Variants in PCBD2 observed in about 807,000 individuals in gnomAD.
PCBD2 encodes pterin-4 alpha-carbinolamine dehydratase 2.
Under a neutral mutation model 16.4 loss-of-function variants are expected in PCBD2, and 12 were observed. The ratio of observed to expected loss-of-function variants is 0.73; its 90% CI spans 0.47 to 1.19. PCBD2 has a LOEUF of 1.19. Ranked by LOEUF, PCBD2 falls within the 50% of genes most tolerant of loss-of-function variation. The pLI is 0.00. For synonymous variants in PCBD2, 58 were observed against 61.8 expected, an observed-to-expected ratio of 0.94 and a Z score of 0.29; for missense variants, 138 against 156.8, an observed-to-expected ratio of 0.88 and a Z score of 0.64.
Position 134,923,463 on chromosome 5 carries a change from T to C in PCBD2, c.216+12997T>C, listed in dbSNP as rs537984821. The C allele has an allele frequency of 1.2e-5, 3 of 245,616 alleles. No homozygotes were observed. The East Asian group carries it at 2.4e-4, about 20-fold the overall frequency. 15.2% of individuals were successfully genotyped at this position (245,616 alleles called of 1,614,324 possible). On this transcript the variant is annotated intron_variant, in intron 2 of 3. Transcript: ENST00000254908. ...TCCTGTTTCGTGTAGGAATAGAAGG[T>C]GGAGCGCTGCTAGGGCTGTGATAAT...
intron 1 of PCBD2, 131 bp downstream of exon 1, chr5:134,905,354 G>A: frequency 1.3e-6 from 1 of 784,048 alleles, no homozygotes; most frequent in Non-Finnish European, 1.7e-6. Context: ...CTCGGGCGTC[G>A]GGTCACCGCG....
chr5:134,957,628 A>G (rs1751428983), intron 2 of PCBD2, among the ~76,000 whole-genome samples: 1 of 151,962 alleles, frequency 6.6e-6, no homozygotes, highest in African/African-American at 2.4e-5. Flanking sequence ...ACAGTGATCT[A>G]TGATTGTGCC....
rs201710068 is a variant in PCBD2, at chr5:134,953,481, AT to A, written c.217-5555del. Among the ~76,000 whole-genome samples, 554 of 151,832 alleles carry A rather than the reference AT, an allele frequency of 3.6e-3. 8 individuals are homozygous for A. In the East Asian group the frequency reaches 0.037, roughly 10 times the overall value. On this transcript the variant is annotated intron_variant, in intron 2 of 3. Coordinates refer to ENST00000254908, the MANE Select transcript of PCBD2 (RefSeq NM_032151.5). The stretch of plus-strand genomic sequence containing the variant: ...GATCCTATAAAATTATATACCTATA[AT>A]TTTACATAGAAAATATAGTCTTCTA...
chr5:134,911,883 T>C (rs2149530241), intron 2 of PCBD2, among the ~76,000 whole-genome samples: 1 of 152,362 alleles, frequency 6.6e-6, no homozygotes, highest in Non-Finnish European at 1.5e-5. Context: ...GGAATCCCAT[T>C]GGTACAGTAA....
intron 2 of PCBD2, among the ~76,000 whole-genome samples, chr5:134,942,048 G>A (rs372624747): frequency 4.7e-5 from 7 of 148,290 alleles, no homozygotes; most frequent in South Asian, 2.1e-4. Context: ...GGAGAATGGC[G>A]TGAACCCGGG....
At chr5:134,931,677 G>A (rs1221474218) in intron 2 of PCBD2, among the ~76,000 whole-genome samples, 2 of 152,202 alleles carry the variant, frequency 1.3e-5, no homozygotes, top group African/African-American at 4.8e-5. Context: ...CTTAACACAA[G>A]TCTGTATTTT....
At chr5:134,924,042 G>A (rs1049716800) in intron 2 of PCBD2, 75 of 396,004 alleles carry the variant, frequency 1.9e-4, no homozygotes, top group Middle Eastern at 6.4e-4. Context: ...TTTGCGTATT[G>A]GGGTCATTAG....
At chr5:134,913,628 T>A (rs1245794115) in intron 2 of PCBD2, among the ~76,000 whole-genome samples, 2 of 152,082 alleles carry the variant, frequency 1.3e-5, no homozygotes, top group Non-Finnish European at 2.9e-5. Flanking sequence ...GTGGCTGTGT[T>A]CTAAAAAATC....
chr5:134,935,287 C>G (rs991244006), intron 2 of PCBD2, among the ~76,000 whole-genome samples: 9 of 152,228 alleles, frequency 5.9e-5, no homozygotes, highest in Non-Finnish European at 1.3e-4. Context: ...GACTGCGCCA[C>G]TGCATCTGCC....
At chr5:134,949,057 TTG>T (rs1751330969) in intron 2 of PCBD2, among the ~76,000 whole-genome samples, 2 of 151,430 alleles carry the variant, frequency 1.3e-5, no homozygotes, top group Admixed American at 1.3e-4. Context: ...TTGGTGGGAG[TTG>T]TGTCTGCCCC....
chr5:134,940,452 C>G (rs1187420173), intron 2 of PCBD2, among the ~76,000 whole-genome samples: 3 of 151,710 alleles, frequency 2.0e-5, no homozygotes, highest in African/African-American at 7.3e-5. Flanking sequence ...TTTAATAACC[C>G]TGGATGTGCA....
At chr5:134,910,608 G>A (rs1750756595) in intron 2 of PCBD2, 142 bp downstream of exon 2, 1 of 1,100,992 alleles carries the variant, frequency 9.1e-7, no homozygotes, top group Non-Finnish European at 1.3e-6. Context: ...GTGATAGAGT[G>A]ACATCCTTGT....
At chr5:134,913,734 G>A (rs1750796326) in intron 2 of PCBD2, among the ~76,000 whole-genome samples, 1 of 152,172 alleles carries the variant, frequency 6.6e-6, no homozygotes, top group African/African-American at 2.4e-5. Context: ...GACCGGGGAT[G>A]ATGGGGGTCT....
chr5:134,936,071 T>G (rs1751156104), intron 2 of PCBD2, among the ~76,000 whole-genome samples: 4 of 152,256 alleles, frequency 2.6e-5, no homozygotes. Context: ...TAATTTAATA[T>G]GTTACCAAGT....
At chr5:134,944,364 A>G (rs1216273645) in intron 2 of PCBD2, among the ~76,000 whole-genome samples, 1 of 152,150 alleles carries the variant, frequency 6.6e-6, no homozygotes, top group Admixed American at 6.5e-5. Context: ...TCTTCTACCA[A>G]GATTCCTCAC....
At chr5:134,917,671 C>G (rs1750850187) in intron 2 of PCBD2, among the ~76,000 whole-genome samples, 1 of 152,190 alleles carries the variant, frequency 6.6e-6, no homozygotes, top group African/African-American at 2.4e-5. Flanking sequence ...TCACCCTCAC[C>G]TTTTGGTTGC....
At chr5:134,915,475 C>T (rs1372062589) in intron 2 of PCBD2, among the ~76,000 whole-genome samples, 6 of 92,590 alleles carry the variant, frequency 6.5e-5, no homozygotes, top group African/African-American at 2.6e-4. Flanking sequence ...GAGACAGGGT[C>T]TAATTCTGTT....
At chr5:134,938,173 G>A (rs1012285952) in intron 2 of PCBD2, among the ~76,000 whole-genome samples, 1 of 152,132 alleles carries the variant, frequency 6.6e-6, no homozygotes, top group Non-Finnish European at 1.5e-5. Flanking sequence ...CTGCTTCTTG[G>A]TCTGCAGTGC....
chr5:134,910,513 C>G (rs1396913100), intron 2 of PCBD2, 47 bp downstream of exon 2: 1 of 1,595,298 alleles, frequency 6.3e-7, no homozygotes, highest in East Asian at 2.2e-5. Context: ...TTTTAGTCAC[C>G]TTAGGCCATA....
Sources: gnomAD v4.1 joint callset for allele counts (sites outside exome capture counted in the v4.1 genomes callset) on GRCh38, gnomAD v4.1.1 for gene constraint, MANE v1.5 for transcripts, NCBI Gene and HGNC (gene_info 2026-07-23, HGNC 2026-07-21) for gene names.